Variants in LEMD3 observed in about 807,000 individuals in gnomAD.
The protein encoded by LEMD3 is inner nuclear membrane protein Man1.
In LEMD3, 33 loss-of-function variants were observed where a neutral mutation model predicts 95.2. That is an observed-to-expected ratio of 0.35 (90% confidence interval 0.26 to 0.46). The LOEUF (loss-of-function observed/expected upper bound fraction) is 0.46, where lower values mean the gene tolerates loss of function less well. LEMD3 is among the 20% of genes least tolerant of loss of function. The pLI, the probability that LEMD3 is intolerant of heterozygous loss-of-function variation, is 1.00. For missense variants in LEMD3, 1,210 were observed against 1,192.8 expected, an observed-to-expected ratio of 1.01 and a Z score of -0.21; for synonymous variants, 525 against 474.6, an observed-to-expected ratio of 1.11 and a Z score of -1.38.
chr12:65,170,702 C>T lies in LEMD3; in HGVS notation c.1106C>T (p.Pro369Leu). The T allele has an allele frequency of 6.2e-7, 1 of 1,614,210 alleles. No homozygotes were observed. Among genetic ancestry groups the T allele is most frequent in the Non-Finnish European group, 8.5e-7 (1 of 1,180,038 alleles). Residue 369 changes from proline (P) to leucine (L), a missense_variant, in exon 1 of 13, where the codon CCC becomes CTC. Transcript: ENST00000308330. ...VNAKKLTPLL[P>L]PPLTDMDSTL... ...GCTAAGAAACTGACCCCTCTCCTGCCCCCGCCACTTACTGACATGGACTCA... is the reference window on the plus strand; with the variant it reads ...GCTAAGAAACTGACCCCTCTCCTGCTCCCGCCACTTACTGACATGGACTCA...
chr12:65,246,190 A>G lies in LEMD3; in HGVS notation c.2601A>G (p.Arg867=). 1.2e-6 allele frequency: 2 copies of G among 1,612,082 alleles called. No individual in the cohort carries two copies. Among genetic ancestry groups the G allele is most frequent in the Middle Eastern group, 1.7e-4 (1 of 6,058 alleles). Residue 867 remains arginine (R), a synonymous_variant, in exon 13 of 13, where the codon CGA becomes CGG. Transcript: ENST00000308330. ...DGKLVTVKYL[R]LDRYHHRFPQ... ...AATTGGTTACAGTAAAATATTTACGACTAGATAGATACCACCATCGCTTTC... is the reference window on the plus strand; with the variant it reads ...AATTGGTTACAGTAAAATATTTACGGCTAGATAGATACCACCATCGCTTTC...
Position 65,240,195 on chromosome 12 carries a change from C to G in LEMD3, c.2083C>G (p.Pro695Ala), listed in dbSNP as rs758728629. The G allele has an allele frequency of 1.2e-6, 2 of 1,613,432 alleles. No individual in the cohort carries two copies. Among genetic ancestry groups the G allele is most frequent in the South Asian group, 1.1e-5 (1 of 91,060 alleles). ...AAACAAAGATTTACAACCTTACATGCCTATTCCACATGTACGCGATTCCTT... is the reference window on the plus strand; with the variant it reads ...AAACAAAGATTTACAACCTTACATGGCTATTCCACATGTACGCGATTCCTT... ...QENKDLQPYMPIPHVRDSLIQ... is the reference protein window; with the variant it reads ...QENKDLQPYMAIPHVRDSLIQ... Residue 695 changes from proline (P) to alanine (A), a missense_variant, in exon 8 of 13, where the codon CCT becomes GCT. This residue lies in a region of LEMD3 where 461 missense variants were observed against 569.8 expected (regional missense o/e 0.81). Coordinates refer to ENST00000308330, the MANE Select transcript of LEMD3 (RefSeq NM_014319.5).
At chr12:65,204,323 C>A (rs1869697660) in intron 1 of LEMD3, among the ~76,000 whole-genome samples, 1 of 152,104 alleles carries the variant, frequency 6.6e-6, no homozygotes, top group African/African-American at 2.4e-5. Context: ...CTGATGCTCT[C>A]CCTCACCCCA....
At chr12:65,175,654 C>A (rs1868697255) in intron 1 of LEMD3, among the ~76,000 whole-genome samples, 1 of 152,180 alleles carries the variant, frequency 6.6e-6, no homozygotes, top group Non-Finnish European at 1.5e-5. Context: ...TTGGTGGTCT[C>A]CACAACTTGA....
chr12:65,216,162 A>T (rs756580071), intron 3 of LEMD3, 119 bp downstream of exon 3: 9 of 694,934 alleles, frequency 1.3e-5, no homozygotes, highest in Non-Finnish European at 1.8e-5. Flanking sequence ...TTTCTTTAGA[A>T]GTTTTCATTA....
At chr12:65,239,576 A>G (rs887527344) in intron 6 of LEMD3, among the ~76,000 whole-genome samples, 5 of 152,074 alleles carry the variant, frequency 3.3e-5, no homozygotes, top group African/African-American at 7.2e-5. Flanking sequence ...AGAAAAATTC[A>G]TTTTACTTAA....
chr12:65,194,670 G>A (rs1041105123), intron 1 of LEMD3, among the ~76,000 whole-genome samples: 4 of 151,888 alleles, frequency 2.6e-5, no homozygotes, highest in East Asian at 1.9e-4. Flanking sequence ...TCTTGTGATC[G>A]CCAGGATAAT....
At chr12:65,174,839 G>T (rs1316007696) in intron 1 of LEMD3, among the ~76,000 whole-genome samples, 1 of 152,190 alleles carries the variant, frequency 6.6e-6, no homozygotes, top group Non-Finnish European at 1.5e-5. Flanking sequence ...TCACATAATG[G>T]TAGTTGCTAA....
chr12:65,240,603 T>G, intron 8 of LEMD3: 1 of 412,952 alleles, frequency 2.4e-6, no homozygotes, highest in Non-Finnish European at 4.3e-6. Context: ...GCTTTTAAAG[T>G]AAAAACTAAA....
chr12:65,216,723 T>C (rs1870122732), intron 3 of LEMD3, among the ~76,000 whole-genome samples: 1 of 152,114 alleles, frequency 6.6e-6, no homozygotes, highest in Admixed American at 6.5e-5. Flanking sequence ...AACTTTTCTA[T>C]GTAGCAGAAC....
At chr12:65,177,213 T>G (rs1308052424) in intron 1 of LEMD3, among the ~76,000 whole-genome samples, 1 of 152,196 alleles carries the variant, frequency 6.6e-6, no homozygotes. Flanking sequence ...ATGATCGAAT[T>G]GGTCCTTTAA....
intron 4 of LEMD3, among the ~76,000 whole-genome samples, chr12:65,230,773 G>C (rs552373133): frequency 1.8e-4 from 27 of 152,258 alleles, no homozygotes; most frequent in African/African-American, 6.5e-4. Flanking sequence ...GCTCTGGCTA[G>C]GACTTCTAAT....
At chr12:65,226,641 A>T (rs12296312) in intron 4 of LEMD3, among the ~76,000 whole-genome samples, 5,712 of 152,274 alleles carry the variant, frequency 0.038, 353 homozygotes, top group African/African-American at 0.13. Flanking sequence ...GGTACCAAAA[A>T]GATCCTAAGA....
chr12:65,228,365 T>TTA (rs1870517692), intron 4 of LEMD3, among the ~76,000 whole-genome samples: 1 of 139,028 alleles, frequency 7.2e-6, no homozygotes, highest in Non-Finnish European at 1.5e-5. Flanking sequence ...CTTTTTGTGT[T>TTA]TTATTATTAT....
chr12:65,210,788 TCACCAGTTTGTTTA>T (rs979405457), intron 1 of LEMD3, 124 bp from the exon 2 acceptor site: 4 of 765,034 alleles, frequency 5.2e-6, no homozygotes, highest in Non-Finnish European at 9.7e-6. Flanking sequence ...ACCTTTATTA[TCACCAGTTTGTTTA>T]CATTTGGTTC....
In LEMD3 at chr12:65,170,077, G is replaced by A. The variant is rs1247974000; in HGVS notation, c.481G>A (p.Asp161Asn). ...CCAGGCCGGCGGCGGCGGGAGGAAA[G>A]ACCGGGCTTCGCTCCAGTACCGCGG... is the stretch of plus-strand genomic sequence containing the variant. ...RDQAGGGGRK[D>N]RASLQYRGLK... Residue 161 changes from aspartate to asparagine, a missense_variant, in exon 1 of 13, where the codon GAC becomes AAC. By Grantham distance (23) the Asp-to-Asn change is conservative (BLOSUM62 1). Transcript: ENST00000308330. The A allele has an allele frequency of 6.7e-7, 1 of 1,486,736 alleles. No homozygotes were observed. Among genetic ancestry groups the A allele is most frequent in the Non-Finnish European group, 8.9e-7 (1 of 1,128,228 alleles). 92.1% of individuals were successfully genotyped at this position (1,486,736 alleles called of 1,614,324 possible).
chr12:65,226,673 T>C (rs1870457020), intron 4 of LEMD3, among the ~76,000 whole-genome samples: 1 of 152,206 alleles, frequency 6.6e-6, no homozygotes. Flanking sequence ...GGAGATTATA[T>C]CTGGAGTCAA....
At position 65,170,573 on chromosome 12, in the gene LEMD3, G is replaced by A. The variant is rs775636778; in HGVS notation, c.977G>A (p.Gly326Glu). The change falls in exon 1 of 13, where the codon GGG becomes GAG. Residue 326 changes from glycine to glutamate, a missense_variant. By Grantham distance (98) the Gly-to-Glu change is moderately conservative (BLOSUM62 -2). Around this residue, in one of 2 missense-constraint regions of LEMD3, gnomAD observed 749 missense variants for 622.9 expected, o/e 1.20. Coordinates refer to ENST00000308330, the MANE Select transcript of LEMD3 (RefSeq NM_014319.5). ...ATGAATGACAGGGCGGCGGCTGCCGGGAGTCTAGACAGGAGCCGAAACCTC... is the reference window on the plus strand; with the variant it reads ...ATGAATGACAGGGCGGCGGCTGCCGAGAGTCTAGACAGGAGCCGAAACCTC... ...LAMNDRAAAAGSLDRSRNLEE... is the reference protein window; with the variant it reads ...LAMNDRAAAAESLDRSRNLEE... The A allele has an allele frequency of 1.2e-6, 2 of 1,613,978 alleles. No individual in the cohort carries two copies. The highest frequency in any genetic ancestry group is 1.1e-5 in the South Asian group (1 of 91,074).
Position 65,177,499 on chromosome 12 carries a change from G to A in LEMD3, c.1522+6381G>A, listed in dbSNP as rs187491483. Reference sequence around the variant, plus strand: ...CTTGTTTGGGGAAAAGTGGTCTAGGGAAAATGAGTTTACTTGGGGCTTATT... The same window carrying A: ...CTTGTTTGGGGAAAAGTGGTCTAGGAAAAATGAGTTTACTTGGGGCTTATT... On this transcript the variant is annotated intron_variant, in intron 1 of 12. Transcript: ENST00000308330. Among the ~76,000 whole-genome samples, 321 of 152,240 alleles carry A rather than the reference G, an allele frequency of 2.1e-3. 1 individual carries two copies. Among genetic ancestry groups the A allele is most frequent in the African/African-American group, 7.4e-3 (307 of 41,548 alleles).
Sources: gnomAD v4.1 joint callset for allele counts (sites outside exome capture counted in the v4.1 genomes callset) on GRCh38, gnomAD v4.1.1 for gene constraint, gnomAD v4.1.1 regional missense constraint, MANE v1.5 for transcripts, NCBI Gene and HGNC (gene_info 2026-07-23, HGNC 2026-07-21) for gene names.